NRG3: variants seen among roughly 807,000 people sequenced by gnomAD.
The protein encoded by NRG3 is neuregulin 3, also known as pro-neuregulin-3, membrane-bound isoform.
In NRG3, 31 loss-of-function variants were observed where a neutral mutation model predicts 66.9. The observed-to-expected ratio is 0.46, with a 90% CI of 0.35 to 0.63. NRG3 has a LOEUF of 0.63. NRG3 is among the 20% of genes least tolerant of loss of function. The probability of loss-of-function intolerance (pLI) is 0.00; values close to 1 mark genes in which losing one functional copy is unlikely to be tolerated. For synonymous variants in NRG3, 393 were observed against 359.4 expected (o/e 1.09, Z -1.06); for missense variants, 910 against 878.9 (o/e 1.04, Z -0.45).
intron 2 of NRG3, among the ~76,000 whole-genome samples, chr10:82,571,760 G>A (rs944053279): frequency 6.6e-6 from 1 of 151,656 alleles, no homozygotes; most frequent in African/African-American, 2.4e-5. Context: ...GTGTGTTCAA[G>A]TGGTAACCAT....
At chr10:82,055,812 C>A (rs1231125552) in intron 1 of NRG3, among the ~76,000 whole-genome samples, 3 of 152,088 alleles carry the variant, frequency 2.0e-5, no homozygotes, top group Non-Finnish European at 2.9e-5. Context: ...GGAACAGGCA[C>A]TCTAGTGAAG....
intron 1 of NRG3, among the ~76,000 whole-genome samples, chr10:82,334,640 G>T (rs2082298873): frequency 2.0e-5 from 3 of 152,256 alleles, no homozygotes; most frequent in Admixed American, 6.5e-5. Context: ...TGACCTTGGG[G>T]ATATATAAGT....
chr10:81,948,889 A>C (rs1036439902), intron 1 of NRG3, among the ~76,000 whole-genome samples: 1 of 152,184 alleles, frequency 6.6e-6, no homozygotes, highest in Admixed American at 6.6e-5. Context: ...TCACAGGTAC[A>C]GTTTATTACA....
intron 3 of NRG3, among the ~76,000 whole-genome samples, chr10:82,788,910 G>A (rs1413529715): frequency 2.0e-5 from 3 of 151,888 alleles, no homozygotes; most frequent in African/African-American, 4.8e-5. Context: ...ATATCCTAAT[G>A]TATGTATACG....
chr10:82,032,976 G>A (rs575032274), intron 1 of NRG3, among the ~76,000 whole-genome samples: 2 of 152,160 alleles, frequency 1.3e-5, no homozygotes, highest in South Asian at 4.1e-4. Flanking sequence ...TGACCCTCAT[G>A]CTGATATAAA....
chr10:82,932,162 G>A (rs1379317429), intron 4 of NRG3, among the ~76,000 whole-genome samples: 1 of 152,022 alleles, frequency 6.6e-6, no homozygotes, highest in Non-Finnish European at 1.5e-5. Context: ...TTCATTCTGT[G>A]GCCAGTACTT....
intron 2 of NRG3, among the ~76,000 whole-genome samples, chr10:82,513,790 A>G (rs1845414941): frequency 6.6e-6 from 1 of 152,204 alleles, no homozygotes; most frequent in Non-Finnish European, 1.5e-5. Context: ...AAAACAAAAA[A>G]GTAAAATAAA....
chr10:82,204,421 G>T (rs2075011925), intron 1 of NRG3, among the ~76,000 whole-genome samples: 1 of 152,168 alleles, frequency 6.6e-6, no homozygotes, highest in Admixed American at 6.5e-5. Context: ...TCTAACTTCT[G>T]ATTTGGCTCA....
chr10:82,344,877 G>C (rs577342425), intron 1 of NRG3, among the ~76,000 whole-genome samples: 1 of 118,932 alleles, frequency 8.4e-6, no homozygotes, highest in Non-Finnish European at 1.5e-5. Context: ...AGAAGTGTCC[G>C]TTCATGTCCT....
At position 81,947,520 on chromosome 10, in the gene NRG3, C is replaced by G. The variant is rs990995191; in HGVS notation, c.823+71357C>G. Among the ~76,000 whole-genome samples the G allele has an allele frequency of 2.6e-5, 4 of 152,136 alleles. No individual in the cohort carries two copies. The East Asian group carries it at 7.7e-4, about 29-fold the overall frequency. On this transcript the variant is annotated intron_variant, in intron 1 of 8. Transcript: ENST00000372141. ...GCAGGGCCTCACTCTCCCCATTGGC[C>G]TTGATCCCATTGCTCATAGTGGCAT...
intron 4 of NRG3, among the ~76,000 whole-genome samples, chr10:82,894,343 A>C (rs1158779628): frequency 1.3e-5 from 2 of 152,232 alleles, no homozygotes; most frequent in Non-Finnish European, 2.9e-5. Flanking sequence ...TAAGCCTAGC[A>C]TATATTTTTT....
At chr10:82,042,819 A>G (rs949890075) in intron 1 of NRG3, among the ~76,000 whole-genome samples, 1 of 152,038 alleles carries the variant, frequency 6.6e-6, no homozygotes, top group Admixed American at 6.6e-5. Flanking sequence ...TCTGTTTTTA[A>G]TATCAAGGGA....
intron 4 of NRG3, among the ~76,000 whole-genome samples, chr10:82,894,035 G>A (rs1402538047): frequency 1.3e-5 from 2 of 152,126 alleles, no homozygotes; most frequent in South Asian, 2.1e-4. Context: ...TCTATAAAAC[G>A]TACCAGCAAC....
chr10:82,903,986 C>G (rs1378619389), intron 4 of NRG3, among the ~76,000 whole-genome samples: 1 of 152,102 alleles, frequency 6.6e-6, no homozygotes, highest in Non-Finnish European at 1.5e-5. Context: ...CATGTCTTGT[C>G]ATCCCTTTGG....
At chr10:82,781,205 T>C (rs1347254423) in intron 3 of NRG3, among the ~76,000 whole-genome samples, 1 of 152,186 alleles carries the variant, frequency 6.6e-6, no homozygotes, top group African/African-American at 2.4e-5. Context: ...TTGTGTTATC[T>C]TTAAGGTTTA....
rs1409888189 is a variant in NRG3 at position 82,985,428 on chromosome 10, C to A, written c.1914C>A (p.Ile638=). The change falls in exon 9 of 9, where the codon ATC becomes ATA. Residue 638 remains isoleucine (I), a synonymous_variant. Transcript: ENST00000372141. ...KILLETVQEQ[I]RILTDARRSE... is the part of the protein sequence containing the mutation. ...TGCTAGAAACTGTCCAGGAGCAGAT[C>A]CGAATTCTGACTGATGCCAGACGGT... 3 of 1,614,090 alleles carry A rather than the reference C, an allele frequency of 1.9e-6. No homozygotes were observed. The highest frequency in any genetic ancestry group is 1.1e-5 in the South Asian group (1 of 91,074).
chr10:82,620,292 G>A (rs2048955122), intron 2 of NRG3, among the ~76,000 whole-genome samples: 1 of 152,144 alleles, frequency 6.6e-6, no homozygotes, highest in Non-Finnish European at 1.5e-5. Context: ...ACCTACACTT[G>A]GTGGGTCCTG....
intron 4 of NRG3, among the ~76,000 whole-genome samples, chr10:82,898,321 A>G (rs1337231270): frequency 1.3e-5 from 2 of 152,166 alleles, no homozygotes; most frequent in Non-Finnish European, 2.9e-5. Context: ...TCCTTCTCTC[A>G]GAGTCCAACT....
chr10:82,946,460 A>G (rs992682815), intron 4 of NRG3, among the ~76,000 whole-genome samples: 1 of 151,754 alleles, frequency 6.6e-6, no homozygotes, highest in African/African-American at 2.4e-5. Context: ...AATCGCTTGA[A>G]CCCAAGACAG....
Sources: allele counts gnomAD v4.1 joint callset (sites outside exome capture counted in the v4.1 genomes callset), GRCh38; gene constraint gnomAD v4.1.1; transcripts MANE v1.5; gene names NCBI Gene and HGNC (gene_info 2026-07-23, HGNC 2026-07-21).